CTNNA2: variants seen among roughly 807,000 people sequenced by gnomAD.
The protein encoded by CTNNA2 is catenin alpha 2, also known as catenin alpha-2.
In CTNNA2, 42 loss-of-function variants were observed where a neutral mutation model predicts 101.0. The ratio of observed to expected loss-of-function variants is 0.42; its 90% CI spans 0.32 to 0.54. CTNNA2 has a LOEUF of 0.54. Ranked by LOEUF, CTNNA2 falls within the 20% of genes least tolerant of loss-of-function variation. The pLI is 0.14. For missense variants in CTNNA2, 871 were observed against 1,223.1 expected (o/e 0.71, Z 4.29); for synonymous variants, 450 against 456.4 (o/e 0.99, Z 0.18).
intron 7 of CTNNA2, among the ~76,000 whole-genome samples, chr2:79,956,841 G>GC (rs1689253738): frequency 4.1e-5 from 3 of 72,754 alleles, no homozygotes; most frequent in Non-Finnish European, 7.3e-5. Flanking sequence ...GAATACGTGT[G>GC]GGTTTTTTTT....
At chr2:79,920,384 G>T (rs1372221120) in intron 7 of CTNNA2, among the ~76,000 whole-genome samples, 3 of 152,114 alleles carry the variant, frequency 2.0e-5, no homozygotes, top group African/African-American at 7.2e-5. Flanking sequence ...TATTGTTTGT[G>T]TTATCATCTG....
rs938913369 is a variant in CTNNA2 at position 79,342,583 on chromosome 2, T to A, written c.-318+29787T>A. Reference sequence around the variant, plus strand: ...AAATACAGTGATTTAGTTATCTCATTTAATTATCTAGGGGTACATTTGCAA... The same window carrying A: ...AAATACAGTGATTTAGTTATCTCATATAATTATCTAGGGGTACATTTGCAA... On this transcript the variant is annotated intron_variant, in intron 3 of 21. Coordinates refer to the CTNNA2 transcript ENST00000466387. Among the ~76,000 whole-genome samples the A allele has an allele frequency of 4.6e-5, 7 of 152,336 alleles. No individual in the cohort carries two copies. In the South Asian group the frequency reaches 1.4e-3, roughly 32 times the overall value.
At chr2:79,348,383 A>T (rs1030393069) in intron 3 of CTNNA2, among the ~76,000 whole-genome samples, 2 of 152,200 alleles carry the variant, frequency 1.3e-5, no homozygotes, top group African/African-American at 4.8e-5. Context: ...TGATCTCAGT[A>T]CCTGGTTCTA....
intron 7 of CTNNA2, among the ~76,000 whole-genome samples, chr2:80,073,121 T>G: frequency 6.6e-6 from 1 of 152,276 alleles, no homozygotes; most frequent in South Asian, 2.1e-4. Context: ...GAAATGTGGG[T>G]TTGTGGCATA....
In CTNNA2 at chr2:80,526,646, A is replaced by G. The variant is rs1690064440; in HGVS notation, c.1291-18336A>G. On this transcript the variant is annotated intron_variant, in intron 9 of 18. Coordinates refer to ENST00000402739, the MANE Select transcript of CTNNA2 (RefSeq NM_001282597.3). ...CTGTGCCGGGCCTCTCTGTGCCTCA[A>G]TTTTCTCATCTATAAAATGGGAATG... Among the ~76,000 whole-genome samples, 3 of 152,150 alleles carry G rather than the reference A, an allele frequency of 2.0e-5. No homozygotes were observed. The South Asian group carries it at 6.2e-4, about 32-fold the overall frequency.
intron 7 of CTNNA2, among the ~76,000 whole-genome samples, chr2:80,068,190 G>C (rs1408643484): frequency 6.6e-6 from 1 of 152,230 alleles, no homozygotes; most frequent in Non-Finnish European, 1.5e-5. Flanking sequence ...GGCAGAGGCT[G>C]AGGATGCCAA....
At chr2:79,670,704 T>C (rs1682778888) in intron 2 of CTNNA2, among the ~76,000 whole-genome samples, 1 of 152,212 alleles carries the variant, frequency 6.6e-6, no homozygotes, top group Admixed American at 6.5e-5. Flanking sequence ...AAAACCAATA[T>C]ATCATCACAG....
intron 1 of CTNNA2, among the ~76,000 whole-genome samples, chr2:79,534,680 T>C (rs1450977666): frequency 6.6e-6 from 1 of 152,132 alleles, no homozygotes; most frequent in African/African-American, 2.4e-5. Flanking sequence ...TATTTTCTCC[T>C]GAGTTCCTCT....
chr2:79,904,848 T>C (rs1212910384), intron 6 of CTNNA2, among the ~76,000 whole-genome samples: 2 of 152,236 alleles, frequency 1.3e-5, no homozygotes, highest in African/African-American at 4.8e-5. Flanking sequence ...CAATGAATGA[T>C]AAGAGCAATT....
At chr2:80,021,087 G>A (rs1006074956) in intron 7 of CTNNA2, among the ~76,000 whole-genome samples, 7 of 141,828 alleles carry the variant, frequency 4.9e-5, no homozygotes, top group East Asian at 2.1e-4. Context: ...CTGCATGATC[G>A]TGGCTCACTG....
At chr2:80,200,053 C>T (rs1262223406) in intron 7 of CTNNA2, among the ~76,000 whole-genome samples, 1 of 152,136 alleles carries the variant, frequency 6.6e-6, no homozygotes, top group African/African-American at 2.4e-5. Context: ...TGAAACAACT[C>T]GACAGCCAGT....
upstream of CTNNA2, among the ~76,000 whole-genome samples, chr2:79,512,307 C>T (rs1671567154): frequency 6.6e-6 from 1 of 152,200 alleles, no homozygotes; most frequent in African/African-American, 2.4e-5. Context: ...AAAAGAATCA[C>T]AATGCCTTCC....
chr2:80,484,734 C>T (rs534261087), intron 9 of CTNNA2, among the ~76,000 whole-genome samples: 1 of 152,262 alleles, frequency 6.6e-6, no homozygotes, highest in Admixed American at 6.5e-5. Flanking sequence ...TGGCTGGGCG[C>T]AGTGACTCAC....
At chr2:79,508,097 G>T (rs1177568417), upstream of CTNNA2, among the ~76,000 whole-genome samples, 2 of 152,140 alleles carry the variant, frequency 1.3e-5, no homozygotes, top group African/African-American at 4.8e-5. Flanking sequence ...GAACCAGAGT[G>T]TGCTATTCCT....
At chr2:80,290,292 G>A (rs1296968667) in intron 7 of CTNNA2, among the ~76,000 whole-genome samples, 1 of 152,140 alleles carries the variant, frequency 6.6e-6, no homozygotes, top group Non-Finnish European at 1.5e-5. Context: ...GAATGCAGAA[G>A]GAGCTGATAA....
chr2:79,836,865 G>C (rs1679406479), intron 3 of CTNNA2, among the ~76,000 whole-genome samples: 1 of 152,046 alleles, frequency 6.6e-6, no homozygotes, highest in Non-Finnish European at 1.5e-5. Context: ...AACCTTCTGG[G>C]CTCTAATGAT....
At chr2:79,506,214 T>C (rs1336905397) in intron 5 of CTNNA2, among the ~76,000 whole-genome samples, 2 of 152,148 alleles carry the variant, frequency 1.3e-5, no homozygotes, top group East Asian at 3.9e-4. Flanking sequence ...TGAAATTACC[T>C]CTGTAGAGGT....
chr2:80,481,526 A>G (rs962388954), intron 9 of CTNNA2, among the ~76,000 whole-genome samples: 2 of 152,140 alleles, frequency 1.3e-5, no homozygotes, highest in African/African-American at 2.4e-5. Flanking sequence ...ATCAGAGGAA[A>G]TTATGCTTCT....
chr2:79,267,300 G>C (rs1408888733), intron 2 of CTNNA2, among the ~76,000 whole-genome samples: 1 of 152,058 alleles, frequency 6.6e-6, no homozygotes, highest in Non-Finnish European at 1.5e-5. Context: ...CTCTAGGCTG[G>C]GAAGTCCAAA....
Sources: gnomAD v4.1 joint callset for allele counts (sites outside exome capture counted in the v4.1 genomes callset) on GRCh38, gnomAD v4.1.1 for gene constraint, MANE v1.5 for transcripts, NCBI Gene and HGNC (gene_info 2026-07-23, HGNC 2026-07-21) for gene names.